The following EPHA6 variants were observed in gnomAD, a reference collection of about 807,000 sequenced individuals.
EPHA6 encodes the protein EPH receptor A6.
EPHA6 carries 50 observed loss-of-function variants against 112.0 expected under a neutral mutation model. The observed-to-expected ratio is 0.45, with a 90% CI of 0.36 to 0.56. The LOEUF (loss-of-function observed/expected upper bound fraction) is 0.56, where lower values mean the gene tolerates loss of function less well. Ranked by LOEUF, EPHA6 falls within the 20% of genes least tolerant of loss-of-function variation. The pLI, the probability that EPHA6 is intolerant of heterozygous loss-of-function variation, is 0.00. For missense variants in EPHA6, 1,280 were observed against 1,417.4 expected, an observed-to-expected ratio of 0.90 and a Z score of 1.56; for synonymous variants, 529 against 490.7, an observed-to-expected ratio of 1.08 and a Z score of -1.03.
intron 5 of EPHA6, among the ~76,000 whole-genome samples, chr3:97,393,204 C>T (rs766495188): frequency 6.6e-6 from 1 of 151,808 alleles, no homozygotes; most frequent in African/African-American, 2.4e-5. Context: ...ATTCTTTTTA[C>T]TGAAACATGA....
At chr3:96,994,761 A>AGAGAGAGAGAGAGAGAGC (rs2043353407) in intron 3 of EPHA6, among the ~76,000 whole-genome samples, 1 of 137,086 alleles carries the variant, frequency 7.3e-6, no homozygotes, top group African/African-American at 2.8e-5. Context: ...AGAGAGAGAG[A>AGAGAGAGAGAGAGAGAGC]GCTATATATA....
At chr3:97,658,470 A>G (rs1250331119) in intron 14 of EPHA6, among the ~76,000 whole-genome samples, 1 of 151,966 alleles carries the variant, frequency 6.6e-6, no homozygotes, top group African/African-American at 2.4e-5. Flanking sequence ...CAGTAATGTC[A>G]TTCAGTTGCC....
At chr3:97,669,042 C>T (rs1182072622) in intron 14 of EPHA6, among the ~76,000 whole-genome samples, 1 of 149,208 alleles carries the variant, frequency 6.7e-6, no homozygotes, top group Non-Finnish European at 1.5e-5. Flanking sequence ...AAATAGCCAA[C>T]TCAGTTGTAT....
At chr3:96,935,002 A>G (rs62263694) in intron 2 of EPHA6, among the ~76,000 whole-genome samples, 4,740 of 151,898 alleles carry the variant, frequency 0.031, 105 homozygotes, top group Middle Eastern at 0.066. Context: ...CAATCATAAT[A>G]TAAAGATTCA....
Position 97,520,101 on chromosome 3 carries a change from G to A in EPHA6, c.2201-12257G>A, listed in dbSNP as rs535062385. ...TCCTGCCTCAGCCTCCTGAGTAGCTGGGACTACAGGCACCCGCCACCACGC... is the reference window on the plus strand; with the variant it reads ...TCCTGCCTCAGCCTCCTGAGTAGCTAGGACTACAGGCACCCGCCACCACGC... On this transcript the variant is annotated intron_variant, in intron 10 of 17. Coordinates refer to ENST00000389672, the MANE Select transcript of EPHA6 (RefSeq NM_001080448.3). Among the ~76,000 whole-genome samples, 386 of 151,728 alleles carry A rather than the reference G, an allele frequency of 2.5e-3. 4 individuals carry two copies. The highest frequency in any genetic ancestry group is 9.1e-3 in the African/African-American group (376 of 41,338).
At chr3:97,727,967 A>G (rs2107820006) in intron 15 of EPHA6, among the ~76,000 whole-genome samples, 1 of 152,186 alleles carries the variant, frequency 6.6e-6, no homozygotes, top group South Asian at 2.1e-4. Flanking sequence ...TTTTAACTGA[A>G]TGACCACAAA....
At position 97,435,322 on chromosome 3, in the gene EPHA6, A is replaced by G. The variant is rs148372731; in HGVS notation, c.1732-13246A>G. 3.6e-3 allele frequency among the ~76,000 whole-genome samples: 555 copies of G among 152,322 alleles called. 2 individuals carry two copies. The highest frequency in any genetic ancestry group is 0.012 in the African/African-American group (519 of 41,566). On this transcript the variant is annotated intron_variant, in intron 6 of 17. Coordinates refer to ENST00000389672, the MANE Select transcript of EPHA6 (RefSeq NM_001080448.3). ...GTCAAAACAAATTTATTAATTTTGAATATGCATGACATCCTAAAAACTTGA... is the reference window on the plus strand; with the variant it reads ...GTCAAAACAAATTTATTAATTTTGAGTATGCATGACATCCTAAAAACTTGA...
intron 10 of EPHA6, among the ~76,000 whole-genome samples, chr3:97,498,495 G>A (rs1053947303): frequency 2.0e-5 from 3 of 152,100 alleles, no homozygotes; most frequent in African/African-American, 7.2e-5. Context: ...AAATAAAGGG[G>A]TAGGGAAGAG....
At chr3:97,344,254 GAGA>G (rs1464120945) in intron 5 of EPHA6, among the ~76,000 whole-genome samples, 3 of 152,106 alleles carry the variant, frequency 2.0e-5, no homozygotes, top group Non-Finnish European at 4.4e-5. Context: ...TTTTATATCT[GAGA>G]AGGACAGGAA....
chr3:97,468,327 AT>A (rs1487526863), intron 7 of EPHA6, among the ~76,000 whole-genome samples: 1 of 151,634 alleles, frequency 6.6e-6, no homozygotes, highest in Middle Eastern at 3.2e-3. Flanking sequence ...AGCATCAAAT[AT>A]TGAATGAATG....
chr3:96,871,194 A>G (rs565680905), intron 2 of EPHA6, among the ~76,000 whole-genome samples: 9 of 152,132 alleles, frequency 5.9e-5, no homozygotes, highest in Non-Finnish European at 1.3e-4. Flanking sequence ...TAATTAATCA[A>G]TTCTATCAGT....
chr3:97,565,901 C>A (rs1378608499), intron 11 of EPHA6, among the ~76,000 whole-genome samples: 1 of 151,442 alleles, frequency 6.6e-6, no homozygotes, highest in East Asian at 1.9e-4. Context: ...CCTGTAGTCC[C>A]AGCTACATGG....
chr3:97,679,364 T>G (rs1435997049), intron 14 of EPHA6, among the ~76,000 whole-genome samples: 2 of 152,176 alleles, frequency 1.3e-5, no homozygotes, highest in African/African-American at 4.8e-5. Context: ...TGGAAAATTA[T>G]GAGTAGCATT....
At chr3:97,343,389 G>T (rs1341036649) in intron 5 of EPHA6, among the ~76,000 whole-genome samples, 2 of 152,194 alleles carry the variant, frequency 1.3e-5, no homozygotes, top group East Asian at 1.9e-4. Flanking sequence ...CGGCACCTTG[G>T]TTTTTTCTGA....
At chr3:97,164,720 C>CT (rs34296889) in intron 3 of EPHA6, among the ~76,000 whole-genome samples, 1 of 151,990 alleles carries the variant, frequency 6.6e-6, no homozygotes. Context: ...GGGAGACAGT[C>CT]TTTTTTTCAT....
intron 3 of EPHA6, among the ~76,000 whole-genome samples, chr3:97,162,044 A>G (rs757768201): frequency 6.6e-6 from 1 of 152,218 alleles, no homozygotes; most frequent in Non-Finnish European, 1.5e-5. Flanking sequence ...TATCAGGTAC[A>G]AGATGAAACC....
At chr3:97,175,653 T>C (rs1045646116) in intron 3 of EPHA6, among the ~76,000 whole-genome samples, 2 of 151,898 alleles carry the variant, frequency 1.3e-5, no homozygotes, top group Non-Finnish European at 2.9e-5. Context: ...GTGGCTATTG[T>C]AAATGTAATT....
chr3:97,598,494 C>T (rs1207182396), intron 12 of EPHA6, among the ~76,000 whole-genome samples: 2 of 145,260 alleles, frequency 1.4e-5, no homozygotes, highest in Middle Eastern at 3.5e-3. Flanking sequence ...CAATTCCCAC[C>T]TATGAGTGAG....
chr3:97,247,245 G>A (rs1408023120), intron 5 of EPHA6, among the ~76,000 whole-genome samples: 1 of 151,880 alleles, frequency 6.6e-6, no homozygotes, highest in Non-Finnish European at 1.5e-5. Context: ...TATTGTTTTT[G>A]TACAAAAATG....
Sources: gnomAD v4.1 joint callset for allele counts (sites outside exome capture counted in the v4.1 genomes callset) on GRCh38, gnomAD v4.1.1 for gene constraint, MANE v1.5 for transcripts, NCBI Gene and HGNC (gene_info 2026-07-23, HGNC 2026-07-21) for gene names.